The following TAF3 variants were observed in gnomAD, a reference collection of about 807,000 sequenced individuals.
The protein encoded by TAF3 is TATA-box binding protein associated factor 3.
A neutral mutation model predicts 80.6 loss-of-function variants in TAF3; 7 were observed. That is an observed-to-expected ratio of 0.09 (90% CI 0.05 to 0.16). The LOEUF (loss-of-function observed/expected upper bound fraction) is 0.16, where lower values mean the gene tolerates loss of function less well. TAF3 is among the 10% of genes least tolerant of loss of function. The pLI, the probability that TAF3 is intolerant of heterozygous loss-of-function variation, is 1.00. For missense variants in TAF3, 921 were observed against 1,140.2 expected, an observed-to-expected ratio of 0.81 and a Z score of 2.77; for synonymous variants, 444 against 446.1, an observed-to-expected ratio of 1.00 and a Z score of 0.06.
chr10:7,936,219 G>GT (rs1173123391), intron 2 of TAF3, among the ~76,000 whole-genome samples: 5 of 152,184 alleles, frequency 3.3e-5, no homozygotes, highest in Admixed American at 6.5e-5. Context: ...AACAAGCACA[G>GT]TAACAATATT....
intron 2 of TAF3, among the ~76,000 whole-genome samples, chr10:7,923,160 A>G (rs553542058): frequency 7.2e-5 from 11 of 152,120 alleles, no homozygotes; most frequent in African/African-American, 1.2e-4. Flanking sequence ...AAAACCATGC[A>G]TGTTGGAGGC....
At chr10:8,012,485 C>G (rs1025283979) in intron 5 of TAF3, among the ~76,000 whole-genome samples, 1 of 152,192 alleles carries the variant, frequency 6.6e-6, no homozygotes, top group Non-Finnish European at 1.5e-5. Flanking sequence ...AGTTCTTGTG[C>G]GGCACACAGA....
At chr10:7,850,512 C>T (rs1490273017) in intron 2 of TAF3, among the ~76,000 whole-genome samples, 1 of 151,946 alleles carries the variant, frequency 6.6e-6, no homozygotes, top group Non-Finnish European at 1.5e-5. Flanking sequence ...CCTGTCTTTA[C>T]TAAAAATACA....
rs772498798 is a variant in TAF3 at position 8,014,804 on chromosome 10, G to A, written c.*53G>A. The A allele has an allele frequency of 2.3e-4, 335 of 1,457,810 alleles. No homozygotes were observed. Among genetic ancestry groups the A allele is most frequent in the Non-Finnish European group, 2.7e-4 (287 of 1,075,578 alleles). 90.3% of individuals were successfully genotyped at this position (1,457,810 alleles called of 1,614,324 possible). On this transcript the variant is annotated 3_prime_UTR_variant, in exon 7 of 7. Transcript: ENST00000344293. ...GGTCAGCCCGGGCTTCTTCCCTGGCGCCTCTGGAAGGGAGCTGGTGCAAGT... is the reference window on the plus strand; with the variant it reads ...GGTCAGCCCGGGCTTCTTCCCTGGCACCTCTGGAAGGGAGCTGGTGCAAGT...
chr10:7,870,279 G>A (rs573701454), intron 2 of TAF3, among the ~76,000 whole-genome samples: 68 of 152,244 alleles, frequency 4.5e-4, no homozygotes, highest in South Asian at 6.2e-4. Flanking sequence ...GTTGTACTTT[G>A]GAACTACTGT....
chr10:7,964,134 G>T lies in TAF3; in HGVS notation c.624G>T (p.Val208=), dbSNP rs774867377. The part of the protein sequence containing the change: ...LSTKGDTLDV[V]LLEAREPLSS... ...CTAAAGGGGACACGCTAGATGTTGT[G>T]TTATTGGAAGCTCGAGAGCCACTCA... Residue 208 remains valine, a synonymous_variant, in exon 3 of 7, where the codon GTG becomes GTT. Transcript: ENST00000344293. This position sits in a 1 kb window ranked among gnomAD's most constrained non-coding sequence, Gnocchi z 4.1. The T allele has an allele frequency of 6.2e-7, 1 of 1,614,090 alleles. No homozygotes were observed. The highest frequency in any genetic ancestry group is 1.3e-5 in the African/African-American group (1 of 75,034).
chr10:7,946,935 G>T (rs1052626456), intron 2 of TAF3, among the ~76,000 whole-genome samples: 7 of 151,998 alleles, frequency 4.6e-5, no homozygotes, highest in African/African-American at 1.7e-4. Context: ...ATAATTATTT[G>T]TTTGTTTTTG....
chr10:7,821,842 T>C (rs1836693527), intron 1 of TAF3, among the ~76,000 whole-genome samples: 1 of 152,128 alleles, frequency 6.6e-6, no homozygotes, highest in South Asian at 2.1e-4. Context: ...AAAGATAAGA[T>C]TTGAGTTGAG....
At chr10:7,870,522 A>G (rs1248288312) in intron 2 of TAF3, among the ~76,000 whole-genome samples, 1 of 152,172 alleles carries the variant, frequency 6.6e-6, no homozygotes, top group Non-Finnish European at 1.5e-5. Flanking sequence ...TTTAATGTAA[A>G]CTTCATTTTT....
At chr10:7,908,103 T>G (rs1032738413) in intron 2 of TAF3, among the ~76,000 whole-genome samples, 1 of 152,204 alleles carries the variant, frequency 6.6e-6, no homozygotes, top group Non-Finnish European at 1.5e-5. Flanking sequence ...CCAACCTGCT[T>G]TCATTCCACT....
intron 2 of TAF3, among the ~76,000 whole-genome samples, chr10:7,836,330 G>T (rs1382015013): frequency 2.8e-5 from 4 of 143,978 alleles, no homozygotes; most frequent in African/African-American, 7.8e-5. Context: ...CGCTCTTGTT[G>T]CCCAGGCTGG....
intron 2 of TAF3, among the ~76,000 whole-genome samples, chr10:7,855,939 G>C (rs1057102540): frequency 2.0e-5 from 3 of 146,376 alleles, no homozygotes; most frequent in African/African-American, 5.1e-5. Context: ...AAAAAAAAAA[G>C]ACAAAAAAAA....
intron 2 of TAF3, among the ~76,000 whole-genome samples, chr10:7,852,994 A>G (rs1369770898): frequency 6.6e-6 from 1 of 152,200 alleles, no homozygotes; most frequent in Non-Finnish European, 1.5e-5. Context: ...AACAGATTTG[A>G]TAGATATTAG....
intron 4 of TAF3, among the ~76,000 whole-genome samples, chr10:7,987,983 C>G (rs1831794509): frequency 6.6e-6 from 1 of 152,124 alleles, no homozygotes; most frequent in Admixed American, 6.5e-5. Context: ...ATTGCCTTCT[C>G]TGTGATAGTG....
intron 2 of TAF3, among the ~76,000 whole-genome samples, chr10:7,830,608 C>T (rs1270825): frequency 9.9e-5 from 15 of 150,950 alleles, no homozygotes; most frequent in African/African-American, 2.9e-4. Context: ...CTCAGCCTCC[C>T]GAGTAGCTGC....
At chr10:7,819,329 C>G (rs1308590385) in intron 1 of TAF3, among the ~76,000 whole-genome samples, 1 of 152,186 alleles carries the variant, frequency 6.6e-6, no homozygotes, top group African/African-American at 2.4e-5. Context: ...TTCCTGGGCT[C>G]CTAACTACAT....
At chr10:7,933,325 C>T (rs775639287) in intron 2 of TAF3, among the ~76,000 whole-genome samples, 33 of 152,294 alleles carry the variant, frequency 2.2e-4, no homozygotes, top group Non-Finnish European at 4.1e-4. Flanking sequence ...AGTTAGATCA[C>T]ATCTTGCTCA....
intron 3 of TAF3, 30 bp downstream of exon 3, chr10:7,965,772 T>G: frequency 6.7e-7 from 1 of 1,501,340 alleles, no homozygotes; most frequent in Non-Finnish European, 8.8e-7. Flanking sequence ...TGGCCCTATC[T>G]GAACAGAGTC....
intron 2 of TAF3, among the ~76,000 whole-genome samples, chr10:7,947,975 G>T (rs903377667): frequency 2.0e-5 from 3 of 150,256 alleles, no homozygotes; most frequent in African/African-American, 7.4e-5. Context: ...CTATGTTGAC[G>T]CACTATAACT....
Sources: allele counts gnomAD v4.1 joint callset (sites outside exome capture counted in the v4.1 genomes callset), GRCh38; gene constraint gnomAD v4.1.1; non-coding constraint Gnocchi (gnomAD v3.1); transcripts MANE v1.5; gene names NCBI Gene and HGNC (gene_info 2026-07-23, HGNC 2026-07-21).